The following AOPEP variants were observed in gnomAD, a reference collection of about 807,000 sequenced individuals.
AOPEP encodes aminopeptidase O (putative).
A neutral mutation model predicts 98.1 loss-of-function variants in AOPEP; 77 were observed. That is an observed-to-expected ratio of 0.78 (90% CI 0.65 to 0.95). The LOEUF (loss-of-function observed/expected upper bound fraction) is 0.95, where lower values mean the gene tolerates loss of function less well. Ranked by LOEUF, AOPEP falls within the 40% of genes least tolerant of loss-of-function variation. The pLI, the probability that AOPEP is intolerant of heterozygous loss-of-function variation, is 0.00. For missense variants in AOPEP, 1,024 were observed against 1,024.7 expected, an observed-to-expected ratio of 1.00 and a Z score of 0.01; for synonymous variants, 346 against 365.3, an observed-to-expected ratio of 0.95 and a Z score of 0.60.
At chr9:94,821,662 C>T (rs1319458195) in intron 5 of AOPEP, among the ~76,000 whole-genome samples, 1 of 152,070 alleles carries the variant, frequency 6.6e-6, no homozygotes, top group South Asian at 2.1e-4. Context: ...TCCGTATGCC[C>T]CTGACATGTA....
At chr9:94,768,512 C>T (rs1269890284) in intron 2 of AOPEP, among the ~76,000 whole-genome samples, 1 of 152,228 alleles carries the variant, frequency 6.6e-6, no homozygotes, top group Non-Finnish European at 1.5e-5. Context: ...TGACCTCTTA[C>T]CTTGAAAGGC....
chr9:95,028,190 T>G (rs933355103), intron 13 of AOPEP, among the ~76,000 whole-genome samples: 1 of 152,254 alleles, frequency 6.6e-6, no homozygotes, highest in African/African-American at 2.4e-5. Context: ...GGGTCTGATA[T>G]CTGAATAAAC....
At chr9:95,091,482 G>T (rs1247968037), downstream of AOPEP, among the ~76,000 whole-genome samples, 1 of 152,210 alleles carries the variant, frequency 6.6e-6, no homozygotes, top group Non-Finnish European at 1.5e-5. Flanking sequence ...ACTCTGTGCA[G>T]GGCCCAGCCA....
chr9:94,767,552 GTCATC>G (rs1240278218), intron 2 of AOPEP, among the ~76,000 whole-genome samples: 1 of 152,228 alleles, frequency 6.6e-6, no homozygotes, highest in South Asian at 2.1e-4. Flanking sequence ...ACTTCAGATA[GTCATC>G]TTAGGTCTCT....
intron 7 of AOPEP, among the ~76,000 whole-genome samples, chr9:94,954,561 G>A (rs1016142682): frequency 6.6e-6 from 1 of 152,186 alleles, no homozygotes; most frequent in African/African-American, 2.4e-5. Flanking sequence ...GCCCATGGAT[G>A]GGCTGTGGGT....
At chr9:94,970,715 A>C (rs76972449) in intron 10 of AOPEP, among the ~76,000 whole-genome samples, 11,663 of 151,546 alleles carry the variant, frequency 0.077, 1,107 homozygotes, top group African/African-American at 0.22. Flanking sequence ...AAAAAAAAAA[A>C]CAGACATATG....
the AOPEP span, among the ~76,000 whole-genome samples, chr9:95,103,692 C>T: frequency 2.0e-5 from 3 of 152,198 alleles, no homozygotes; most frequent in Admixed American, 6.5e-5. Flanking sequence ...TGGGGAAAAT[C>T]GGAGGGCCGA....
rs558103965 is a variant in AOPEP, at chr9:95,026,582, G to C, written c.2115+20966G>C. Reference sequence around the variant, plus strand: ...TTTATGGTTACACCACATTTTATCTGTCTGTTCACCAGTTGATGCACATTT... The same window carrying C: ...TTTATGGTTACACCACATTTTATCTCTCTGTTCACCAGTTGATGCACATTT... On this transcript the variant is annotated intron_variant, in intron 13 of 16. Transcript: ENST00000375315. Among the ~76,000 whole-genome samples the C allele has an allele frequency of 2.0e-5, 3 of 152,250 alleles. No individual in the cohort carries two copies. The East Asian group carries it at 5.8e-4, about 29-fold the overall frequency.
chr9:95,005,646 A>C, intron 13 of AOPEP, 30 bp downstream of exon 13: 3 of 1,587,886 alleles, frequency 1.9e-6, no homozygotes, highest in African/African-American at 1.3e-5. Flanking sequence ...TACTCGGTGC[A>C]GGTCTTGGTA....
chr9:95,073,833 T>C (rs1027456748), intron 14 of AOPEP, among the ~76,000 whole-genome samples: 1 of 152,170 alleles, frequency 6.6e-6, no homozygotes, highest in Admixed American at 6.5e-5. Context: ...TACTCCAGCC[T>C]GGCAACAAAG....
intron 3 of AOPEP, among the ~76,000 whole-genome samples, chr9:94,773,557 A>T (rs1216750441): frequency 6.6e-6 from 1 of 152,148 alleles, no homozygotes; most frequent in African/African-American, 2.4e-5. Flanking sequence ...TTATGTTAAG[A>T]GATAGTGCTC....
intron 5 of AOPEP, among the ~76,000 whole-genome samples, chr9:94,894,755 A>G (rs56328305): frequency 0.029 from 4,393 of 152,312 alleles, 170 homozygotes; most frequent in African/African-American, 0.084. Context: ...ATAACATACT[A>G]TAAGCTACTC....
rs998356760 is a variant in AOPEP at position 94,972,922 on chromosome 9, G to A, written c.1916+5121G>A. Among the ~76,000 whole-genome samples the A allele has an allele frequency of 3.3e-5, 5 of 151,968 alleles. No individual in the cohort carries two copies. The highest frequency in any genetic ancestry group is 5.9e-5 in the Non-Finnish European group (4 of 67,988). On this transcript the variant is annotated intron_variant, in intron 10 of 16. Coordinates refer to ENST00000375315, the MANE Select transcript of AOPEP (RefSeq NM_001193329.3). The surrounding 1 kb of genome is among the most constrained non-coding windows in gnomAD (Gnocchi z 4.2). ...CCACTGCACGCCAGCCTGGGAGACA[G>A]AGTGAGACCCTGTCTCAAAAAAAAA... is the stretch of plus-strand genomic sequence containing the variant.
rs914002535 is a variant in AOPEP at position 95,004,803 on chromosome 9, C to G, written c.1978-355C>G. On this transcript the variant is annotated intron_variant, in intron 11 of 16. Coordinates refer to ENST00000375315, the MANE Select transcript of AOPEP (RefSeq NM_001193329.3). ...AAGGTGCGCGGGGGCGCGGGGCGGCCGGAGCCCGGGAGCGGGAGCACGCCG... is the reference window on the plus strand; with the variant it reads ...AAGGTGCGCGGGGGCGCGGGGCGGCGGGAGCCCGGGAGCGGGAGCACGCCG... Among the ~76,000 whole-genome samples, 42 of 146,362 alleles carry G rather than the reference C, an allele frequency of 2.9e-4. No individual in the cohort carries two copies. The South Asian group carries it at 6.7e-3, about 23-fold the overall frequency.
chr9:95,111,395 C>G, the AOPEP span: 1 of 1,597,462 alleles, frequency 6.3e-7, no homozygotes, highest in Non-Finnish European at 8.5e-7. Context: ...AACAGAGCCC[C>G]TCTCTGCAAG....
intron 11 of AOPEP, among the ~76,000 whole-genome samples, chr9:94,998,066 A>G (rs941687587): frequency 1.3e-5 from 2 of 152,108 alleles, no homozygotes; most frequent in Non-Finnish European, 2.9e-5. Context: ...TGTAACAGGC[A>G]TTGAAGGGAA....
chr9:94,729,801 A>G (rs937743553), intron 1 of AOPEP, among the ~76,000 whole-genome samples: 1 of 152,178 alleles, frequency 6.6e-6, no homozygotes, highest in African/African-American at 2.4e-5. Context: ...ATCAGCCCCA[A>G]TTGAGAACCA....
chr9:94,802,428 TC>T (rs1453604098), intron 5 of AOPEP, among the ~76,000 whole-genome samples: 3 of 152,176 alleles, frequency 2.0e-5, no homozygotes, highest in Non-Finnish European at 4.4e-5. Context: ...TTTCTATAGC[TC>T]CTTCCTGACA....
At position 95,055,930 on chromosome 9, in the gene AOPEP, A is replaced by G. The variant is rs752083671; in HGVS notation, c.2116-4764A>G. ...CCATGTAAACAGTTCCCTGCGTAGT[A>G]ACATAGACAAATATAGCAGAGAATG... On this transcript the variant is annotated intron_variant, in intron 13 of 16. Transcript: ENST00000375315. Among the ~76,000 whole-genome samples, 197 of 151,478 alleles carry G rather than the reference A, an allele frequency of 1.3e-3. 5 individuals are homozygous for G. The highest frequency in any genetic ancestry group is 3.4e-4 in the Non-Finnish European group (23 of 67,970).
Sources: gnomAD v4.1 joint callset for allele counts (sites outside exome capture counted in the v4.1 genomes callset) on GRCh38, gnomAD v4.1.1 for gene constraint, Gnocchi (gnomAD v3.1) non-coding constraint, MANE v1.5 for transcripts, NCBI Gene and HGNC (gene_info 2026-07-23, HGNC 2026-07-21) for gene names.